The following CYP2C19 variants were observed in gnomAD, a reference collection of about 807,000 sequenced individuals.
CYP2C19 encodes the protein cytochrome P450 2C19.
Under a neutral mutation model 40.9 loss-of-function variants are expected in CYP2C19, and 59 were observed. The observed-to-expected ratio is 1.44, with a 90% CI of 1.17 to 1.79. CYP2C19 has a LOEUF of 1.79. Among genes scored for constraint, CYP2C19 ranks in the 40% most tolerant of loss-of-function variants. The probability of loss-of-function intolerance (pLI) is 0.00; values close to 1 mark genes in which losing one functional copy is unlikely to be tolerated. For missense variants in CYP2C19, 754 were observed against 596.9 expected (o/e 1.26, Z -2.74); for synonymous variants, 253 against 208.7 (o/e 1.21, Z -1.83).
intron 1 of CYP2C19, among the ~76,000 whole-genome samples, chr10:94,766,442 C>T (rs1255310691): frequency 6.6e-6 from 1 of 151,900 alleles, no homozygotes; most frequent in African/African-American, 2.4e-5. Flanking sequence ...GGAAGGAAGA[C>T]AGAAAAAAGG....
chr10:94,851,856 A>G lies in CYP2C19; in HGVS notation c.1292-877A>G, dbSNP rs1849658751. 3.3e-5 allele frequency among the ~76,000 whole-genome samples: 5 copies of G among 152,170 alleles called. No homozygotes were observed. In the South Asian group the frequency reaches 1.0e-3, roughly 32 times the overall value. ...ACTGGGTATTATGTTTCAACATATG[A>G]AATGGGGGGAGGAATATTCAGACCA... On this transcript the variant is annotated intron_variant, in intron 8 of 8. Coordinates refer to ENST00000371321, the MANE Select transcript of CYP2C19 (RefSeq NM_000769.4).
At chr10:94,788,119 C>G (rs1848565941) in intron 5 of CYP2C19, among the ~76,000 whole-genome samples, 1 of 151,786 alleles carries the variant, frequency 6.6e-6, no homozygotes, top group African/African-American at 2.4e-5. Flanking sequence ...CCATTCCACC[C>G]CCACCCCCCA....
chr10:94,800,694 C>G (rs1848751832), intron 5 of CYP2C19, among the ~76,000 whole-genome samples: 1 of 152,206 alleles, frequency 6.6e-6, no homozygotes. Context: ...CTTCCCAGCC[C>G]CTTTGTTTAT....
At chr10:94,778,400 C>A (rs547462145) in intron 3 of CYP2C19, among the ~76,000 whole-genome samples, 1 of 152,244 alleles carries the variant, frequency 6.6e-6, no homozygotes, top group South Asian at 2.1e-4. Flanking sequence ...TTTCCCTATA[C>A]TTTCTCCCAC....
intron 8 of CYP2C19, 74 bp downstream of exon 8, chr10:94,850,132 C>G (rs1849631157): frequency 6.5e-7 from 1 of 1,531,406 alleles, no homozygotes; most frequent in African/African-American, 1.4e-5. Context: ...CTTACATGTG[C>G]CTTCTCTGCA....
intron 5 of CYP2C19, among the ~76,000 whole-genome samples, chr10:94,788,639 GT>G (rs1255652120): frequency 6.6e-6 from 1 of 152,062 alleles, no homozygotes; most frequent in Non-Finnish European, 1.5e-5. Flanking sequence ...GAGAATGATG[GT>G]TTCCAGCTAC....
intron 6 of CYP2C19, among the ~76,000 whole-genome samples, chr10:94,826,290 G>A (rs1195780126): frequency 6.6e-6 from 1 of 152,094 alleles, no homozygotes; most frequent in African/African-American, 2.4e-5. Flanking sequence ...CGACCCATGA[G>A]CATGGAATGT....
intron 5 of CYP2C19, among the ~76,000 whole-genome samples, chr10:94,820,289 G>C (rs1209849031): frequency 2.0e-5 from 3 of 151,938 alleles, no homozygotes; most frequent in Non-Finnish European, 4.4e-5. Flanking sequence ...ATATCATACT[G>C]AATGGGCAAA....
At chr10:94,766,652 C>T (rs879867674) in intron 1 of CYP2C19, among the ~76,000 whole-genome samples, 2 of 152,022 alleles carry the variant, frequency 1.3e-5, no homozygotes, top group East Asian at 1.9e-4. Context: ...TCTTCAGGAT[C>T]GGTGGTAGGA....
At chr10:94,840,587 C>T (rs1564682606) in intron 6 of CYP2C19, among the ~76,000 whole-genome samples, 2 of 152,176 alleles carry the variant, frequency 1.3e-5, no homozygotes, top group South Asian at 4.1e-4. Context: ...TGGGGCTACA[C>T]TTTAAAGAAA....
chr10:94,775,260 A>G lies in CYP2C19; in HGVS notation c.331+40A>G, dbSNP rs775809663. The G allele has an allele frequency of 1.8e-5, 29 of 1,613,332 alleles. No homozygotes were observed. The South Asian group carries it at 2.5e-4, about 14-fold the overall frequency. ...GCCTGTTTCAGCATCTGTCTTGGGGATGGGGAGGATGGAAAACAGACTAGC... is the reference window on the plus strand; with the variant it reads ...GCCTGTTTCAGCATCTGTCTTGGGGGTGGGGAGGATGGAAAACAGACTAGC... On this transcript the variant is annotated intron_variant, in intron 2 of 8. Coordinates refer to ENST00000371321, the MANE Select transcript of CYP2C19 (RefSeq NM_000769.4).
chr10:94,762,703 T>C lies in CYP2C19; in HGVS notation c.-3T>C, dbSNP rs889254628. On this transcript the variant is annotated 5_prime_UTR_variant, in exon 1 of 9. Transcript: ENST00000371321. ...GTTGTCTTAACAAGAGGAGAAGGCT[T>C]CAATGGATCCTTTTGTGGTCCTTGT... 6.2e-7 allele frequency: 1 copy of C among 1,613,036 alleles called. No homozygotes were observed. The highest frequency in any genetic ancestry group is 8.5e-7 in the Non-Finnish European group (1 of 1,179,566).
chr10:94,817,477 T>C (rs1431548813), intron 5 of CYP2C19, among the ~76,000 whole-genome samples: 1 of 143,880 alleles, frequency 7.0e-6, no homozygotes, highest in African/African-American at 2.6e-5. Flanking sequence ...TTCTGGATAT[T>C]AGCCCTTTGT....
At chr10:94,816,244 CTT>C (rs535862340) in intron 5 of CYP2C19, among the ~76,000 whole-genome samples, 7 of 143,392 alleles carry the variant, frequency 4.9e-5, no homozygotes, top group African/African-American at 1.3e-4. Context: ...TTTTTTCTTT[CTT>C]TTTTTTTTTC....
chr10:94,786,149 C>T (rs916690746), intron 5 of CYP2C19, among the ~76,000 whole-genome samples: 3 of 152,030 alleles, frequency 2.0e-5, no homozygotes, highest in Non-Finnish European at 4.4e-5. Flanking sequence ...CAGATGTGTC[C>T]ATGTCCTAAA....
chr10:94,778,590 G>C (rs185195737), intron 3 of CYP2C19, among the ~76,000 whole-genome samples: 26 of 152,294 alleles, frequency 1.7e-4, no homozygotes, highest in Non-Finnish European at 1.5e-5. Context: ...AGTTAGAATG[G>C]TGATCATTAA....
chr10:94,843,082 T>C, intron 7 of CYP2C19, 58 bp downstream of exon 7: 1 of 1,591,364 alleles, frequency 6.3e-7, no homozygotes, highest in South Asian at 1.1e-5. Context: ...AAATTCACAG[T>C]ATGATTCTTA....
chr10:94,806,096 A>G (rs1848831919), intron 5 of CYP2C19, among the ~76,000 whole-genome samples: 1 of 143,798 alleles, frequency 7.0e-6, no homozygotes, highest in Non-Finnish European at 1.5e-5. Context: ...ATTCTACTTT[A>G]TGTCTCTATG....
intron 1 of CYP2C19, among the ~76,000 whole-genome samples, chr10:94,772,482 G>A (rs1185651664): frequency 6.6e-6 from 1 of 152,116 alleles, no homozygotes; most frequent in African/African-American, 2.4e-5. Context: ...TGTCTGGCAG[G>A]CATTAGGACC....
Sources: allele counts gnomAD v4.1 joint callset (sites outside exome capture counted in the v4.1 genomes callset), GRCh38; gene constraint gnomAD v4.1.1; transcripts MANE v1.5; gene names NCBI Gene and HGNC (gene_info 2026-07-23, HGNC 2026-07-21).